Variants in DAPK1 observed in about 807,000 individuals in gnomAD.
DAPK1 encodes the protein death associated protein kinase 1.
A neutral mutation model predicts 144.9 loss-of-function variants in DAPK1; 56 were observed. The observed-to-expected ratio is 0.39, with a 90% CI of 0.31 to 0.48. DAPK1 has a LOEUF of 0.48. Among genes scored for constraint, DAPK1 ranks in the 20% least tolerant of loss-of-function variants. The pLI, the probability that DAPK1 is intolerant of heterozygous loss-of-function variation, is 0.95. For synonymous variants in DAPK1, 690 were observed against 749.0 expected (o/e 0.92, Z 1.29); for missense variants, 1,454 against 1,875.4 (o/e 0.78, Z 4.15).
At chr9:87,590,554 TG>T (rs1197371554) in intron 2 of DAPK1, among the ~76,000 whole-genome samples, 1 of 152,098 alleles carries the variant, frequency 6.6e-6, no homozygotes, top group Non-Finnish European at 1.5e-5. Context: ...CTCAGTTCTT[TG>T]AGGCTTCCTG....
intron 19 of DAPK1, among the ~76,000 whole-genome samples, chr9:87,671,174 T>A (rs1197660115): frequency 6.6e-6 from 1 of 152,158 alleles, no homozygotes; most frequent in African/African-American, 2.4e-5. Context: ...AGCACCTTGC[T>A]GCGGCGCTTC....
At chr9:87,687,351 T>C (rs546200106) in intron 21 of DAPK1, among the ~76,000 whole-genome samples, 1 of 152,190 alleles carries the variant, frequency 6.6e-6, no homozygotes, top group African/African-American at 2.4e-5. Context: ...TAAAATCAAC[T>C]TTTTTAGCTC....
Position 87,502,527 on chromosome 9 carries a change from T to C in DAPK1, c.62+3388T>C, listed in dbSNP as rs563525284. ...GCTGACTTGCCCCATTGTCGGGCTC[T>C]AGTTACACCCTTGGCCGTCGTTCAG... On this transcript the variant is annotated intron_variant, in intron 2 of 25. Coordinates refer to ENST00000408954, the MANE Select transcript of DAPK1 (RefSeq NM_004938.4). Among the ~76,000 whole-genome samples, 5 of 152,350 alleles carry C rather than the reference T, an allele frequency of 3.3e-5. No individual in the cohort carries two copies. The East Asian group carries it at 9.7e-4, about 29-fold the overall frequency.
At chr9:87,615,417 A>G (rs145873613) in intron 3 of DAPK1, among the ~76,000 whole-genome samples, 54 of 152,336 alleles carry the variant, frequency 3.5e-4, no homozygotes, top group African/African-American at 1.1e-3. Flanking sequence ...GAGCATGGCT[A>G]CTGTGAGATG....
Position 87,681,530 on chromosome 9 carries a change from G to A in DAPK1, c.2128G>A (p.Gly710Arg), listed in dbSNP as rs890070442. The part of the protein sequence containing the change: ...KTTLVESLKC[G>R]LLRSFFRRRR... ...CACCCTTGTAGAATCTCTCAAGTGTGGGCTGCTGAGGAGCTTTTTCAGAAG... is the reference window on the plus strand; with the variant it reads ...CACCCTTGTAGAATCTCTCAAGTGTAGGCTGCTGAGGAGCTTTTTCAGAAG... Residue 710 changes from glycine to arginine, a missense_variant, in exon 20 of 26, where the codon GGG becomes AGG. By Grantham distance (125) the Gly-to-Arg change is moderately radical (BLOSUM62 -2). This residue lies in a region of DAPK1 where 1,025 missense variants were observed against 1,237.9 expected (regional missense o/e 0.83). Coordinates refer to ENST00000408954, the MANE Select transcript of DAPK1 (RefSeq NM_004938.4). 1.9e-6 allele frequency: 3 copies of A among 1,612,066 alleles called. No homozygotes were observed. Among genetic ancestry groups the A allele is most frequent in the Non-Finnish European group, 2.5e-6 (3 of 1,178,140 alleles).
At chr9:87,667,139 A>G (rs1039584901) in intron 18 of DAPK1, among the ~76,000 whole-genome samples, 5 of 152,184 alleles carry the variant, frequency 3.3e-5, no homozygotes, top group African/African-American at 9.7e-5. Context: ...TGTGTCCACA[A>G]AAAAACTAGA....
At position 87,700,136 on chromosome 9, in the gene DAPK1, A is replaced by G. The variant is rs1442014538; in HGVS notation, c.2770A>G (p.Ile924Val). ...CCTTAGGTTTGGAAATGATCTTCAC[A>G]TTTCAAATAAGCTGTTTGTTCTGGA... ...IRNRFGNDLH[I>V]SNKLFVLDAG... The change falls in exon 24 of 26, where the codon ATT becomes GTT. Residue 924 changes from isoleucine to valine, a missense_variant. Physicochemically the swap from Ile to Val is conservative, Grantham distance 29 (BLOSUM62 3). Around this residue, in one of 2 missense-constraint regions of DAPK1, gnomAD observed 1,025 missense variants for 1,237.9 expected, o/e 0.83. Transcript: ENST00000408954. 3.1e-6 allele frequency: 5 copies of G among 1,611,328 alleles called. No individual in the cohort carries two copies. Among genetic ancestry groups the G allele is most frequent in the Non-Finnish European group, 3.4e-6 (4 of 1,177,456 alleles).
intron 3 of DAPK1, among the ~76,000 whole-genome samples, chr9:87,622,919 A>T (rs1022791491): frequency 6.6e-6 from 1 of 152,124 alleles, no homozygotes; most frequent in Non-Finnish European, 1.5e-5. Flanking sequence ...TCTAAAAAAA[A>T]AATAAATAAT....
chr9:87,503,943 T>C (rs1049405134), intron 2 of DAPK1, among the ~76,000 whole-genome samples: 1 of 152,202 alleles, frequency 6.6e-6, no homozygotes, highest in African/African-American at 2.4e-5. Context: ...ATAAAATCCA[T>C]AGGCATTTTA....
At chr9:87,600,027 A>C (rs114403637) in intron 2 of DAPK1, among the ~76,000 whole-genome samples, 1 of 152,218 alleles carries the variant, frequency 6.6e-6, no homozygotes, top group Non-Finnish European at 1.5e-5. Context: ...TGTTGTGCTT[A>C]GAAACACTAG....
chr9:87,539,954 T>C (rs1825984600), intron 2 of DAPK1, among the ~76,000 whole-genome samples: 1 of 151,644 alleles, frequency 6.6e-6, no homozygotes. Context: ...AGCCCGAGAG[T>C]AGTGATGCCG....
intron 2 of DAPK1, among the ~76,000 whole-genome samples, chr9:87,500,309 A>G (rs1183748489): frequency 6.6e-6 from 1 of 152,220 alleles, no homozygotes; most frequent in Admixed American, 6.5e-5. Flanking sequence ...CTCTCTGTAT[A>G]TTGATGATCT....
chr9:87,533,452 A>T (rs1434025789), intron 2 of DAPK1, among the ~76,000 whole-genome samples: 1 of 152,208 alleles, frequency 6.6e-6, no homozygotes, highest in Non-Finnish European at 1.5e-5. Context: ...CCAAGACCTC[A>T]GGCCAACTCA....
At chr9:87,619,226 C>T (rs780636145) in intron 3 of DAPK1, among the ~76,000 whole-genome samples, 1 of 152,164 alleles carries the variant, frequency 6.6e-6, no homozygotes, top group African/African-American at 2.4e-5. Flanking sequence ...GTTTTCCTCA[C>T]TTTTTAGGCG....
At chr9:87,523,499 C>T (rs538612352) in intron 2 of DAPK1, among the ~76,000 whole-genome samples, 24 of 152,298 alleles carry the variant, frequency 1.6e-4, no homozygotes, top group African/African-American at 5.8e-4. Context: ...GAGGTTTTGC[C>T]ATGTTGCTGA....
rs3118852 is a variant in DAPK1, at chr9:87,676,348, T to A, written c.2002-5056T>A. Among the ~76,000 whole-genome samples the A allele has an allele frequency of 6.6e-3, 1,011 of 152,338 alleles. 4 individuals carry two copies. Among genetic ancestry groups the A allele is most frequent in the Non-Finnish European group, 0.011 (771 of 68,032 alleles). On this transcript the variant is annotated intron_variant, in intron 19 of 25. Coordinates refer to ENST00000408954, the MANE Select transcript of DAPK1 (RefSeq NM_004938.4). ...GAGCCCTCTCTGAGTTGGAGATAGA[T>A]CATTACGTGGATGAAAGCTGCTTTC...
chr9:87,669,640 C>T (rs1831187324), intron 19 of DAPK1, among the ~76,000 whole-genome samples: 1 of 151,910 alleles, frequency 6.6e-6, no homozygotes, highest in African/African-American at 2.4e-5. Flanking sequence ...AAATATGCTC[C>T]AGATATCCCA....
intron 19 of DAPK1, among the ~76,000 whole-genome samples, chr9:87,677,112 C>T (rs1363617794): frequency 6.6e-6 from 1 of 152,230 alleles, no homozygotes; most frequent in Non-Finnish European, 1.5e-5. Flanking sequence ...GTGGAAGTTA[C>T]TGCTGCAGAC....
At chr9:87,659,340 C>T (rs1830748694) in intron 18 of DAPK1, among the ~76,000 whole-genome samples, 1 of 152,194 alleles carries the variant, frequency 6.6e-6, no homozygotes, top group Non-Finnish European at 1.5e-5. Flanking sequence ...ACACACCATA[C>T]CCACATCACC....
Sources: allele counts gnomAD v4.1 joint callset (sites outside exome capture counted in the v4.1 genomes callset), GRCh38; gene constraint gnomAD v4.1.1; regional missense constraint gnomAD v4.1.1; transcripts MANE v1.5; gene names NCBI Gene and HGNC (gene_info 2026-07-23, HGNC 2026-07-21).